The following UGT1A10 variants were observed in gnomAD, a reference collection of about 807,000 sequenced individuals.
UGT1A10 encodes the protein UDP glucuronosyltransferase family 1 member A10.
UGT1A10 carries 49 observed loss-of-function variants against 45.8 expected under a neutral mutation model. That is an observed-to-expected ratio of 1.07 (90% confidence interval 0.85 to 1.36). The LOEUF is 1.36. Among genes scored for constraint, UGT1A10 ranks in the 40% most tolerant of loss-of-function variants. The probability of loss-of-function intolerance (pLI) is 0.00; values close to 1 mark genes in which losing one functional copy is unlikely to be tolerated. For missense variants in UGT1A10, 745 were observed against 668.6 expected (o/e 1.11, Z -1.26); for synonymous variants, 284 against 249.7 (o/e 1.14, Z -1.29).
At chr2:233,760,299 G>T (rs781590934) in intron 1 of UGT1A10, 2 of 1,613,582 alleles carry the variant, frequency 1.2e-6, no homozygotes, top group East Asian at 2.2e-5. Context: ...TGGCTGTGGA[G>T]TCCCAGGGCG....
At chr2:233,668,634 G>C (rs900941493) in intron 1 of UGT1A10, among the ~76,000 whole-genome samples, 3 of 152,208 alleles carry the variant, frequency 2.0e-5, no homozygotes, top group African/African-American at 7.2e-5. Context: ...TTGCCACACT[G>C]TCTTCCACAA....
At chr2:233,652,361 T>C (rs1474509008) in intron 1 of UGT1A10, among the ~76,000 whole-genome samples, 1 of 152,260 alleles carries the variant, frequency 6.6e-6, no homozygotes, top group East Asian at 1.9e-4. Context: ...TAATTTTCAA[T>C]ATTTTATTAT....
chr2:233,748,290 T>C (rs1391858558), intron 1 of UGT1A10, among the ~76,000 whole-genome samples: 2 of 151,668 alleles, frequency 1.3e-5, no homozygotes, highest in Non-Finnish European at 2.9e-5. Flanking sequence ...GAGGCAGACA[T>C]GAATGTTTAT....
intron 1 of UGT1A10, among the ~76,000 whole-genome samples, chr2:233,656,147 C>T (rs1203739120): frequency 2.0e-5 from 3 of 152,148 alleles, no homozygotes. Flanking sequence ...TTTATGAAGG[C>T]CATCCTGACT....
At chr2:233,695,130 C>CTTTTTT (rs71398796) in intron 1 of UGT1A10, among the ~76,000 whole-genome samples, 1 of 138,838 alleles carries the variant, frequency 7.2e-6, no homozygotes, top group Non-Finnish European at 1.5e-5. Flanking sequence ...CTTTTCTTTT[C>CTTTTTT]TTTTTTTTTT....
Position 233,636,778 on chromosome 2 carries a change from C to A in UGT1A10, c.256C>A (p.Gln86Lys). 6.2e-7 allele frequency: 1 copy of A among 1,614,198 alleles called. No homozygotes were observed. Among genetic ancestry groups the A allele is most frequent in the Non-Finnish European group, 8.5e-7 (1 of 1,180,040 alleles). Residue 86 changes from glutamine to lysine, a missense_variant, in exon 1 of 5, where the codon CAG (glutamine) becomes AAG (lysine). Physicochemically the swap from Gln to Lys is moderately conservative, Grantham distance 53. Coordinates refer to ENST00000344644, the MANE Select transcript of UGT1A10 (RefSeq NM_019075.4). ...CTCAACCTCGTACACTCTGGAAGAT[C>A]AGAACCGGGAATTCATGGTTTTCGC... ...TYSTSYTLED[Q>K]NREFMVFAHA... is the part of the protein sequence containing the mutation.
At chr2:233,760,125 C>T in intron 1 of UGT1A10, 1 of 1,316,530 alleles carries the variant, frequency 7.6e-7, no homozygotes, top group Admixed American at 2.6e-5. Context: ...TAAAGCTCCA[C>T]CTTCTTTATC....
chr2:233,644,260 T>C (rs1223856708), intron 1 of UGT1A10, among the ~76,000 whole-genome samples: 1 of 152,192 alleles, frequency 6.6e-6, no homozygotes, highest in African/African-American at 2.4e-5. Flanking sequence ...TCCCTCAGCC[T>C]AGGGCTGGTT....
intron 1 of UGT1A10, chr2:233,682,463 T>A: frequency 6.2e-7 from 1 of 1,613,942 alleles, no homozygotes; most frequent in Admixed American, 1.7e-5. Flanking sequence ...ATTTTGCCAC[T>A]ATCTTGAAGA....
At chr2:233,713,841 G>A (rs754082390) in intron 1 of UGT1A10, 101 of 1,614,008 alleles carry the variant, frequency 6.3e-5, no homozygotes, top group East Asian at 1.1e-4. Flanking sequence ...CTGTGCCAAC[G>A]GGAAGCCACT....
At chr2:233,756,551 C>G (rs1440983818) in intron 1 of UGT1A10, among the ~76,000 whole-genome samples, 1 of 152,076 alleles carries the variant, frequency 6.6e-6, no homozygotes, top group East Asian at 1.9e-4. Context: ...CTAAAACAAC[C>G]AGGGAGATCC....
intron 1 of UGT1A10, chr2:233,712,870 T>A: frequency 6.3e-7 from 1 of 1,583,802 alleles, no homozygotes; most frequent in Middle Eastern, 2.3e-4. Context: ...AGGAGGGCAC[T>A]CTGTCTTCAA....
At chr2:233,743,962 C>G (rs189644754) in intron 1 of UGT1A10, 1 of 1,331,618 alleles carries the variant, frequency 7.5e-7, no homozygotes, top group Non-Finnish European at 1.0e-6. Flanking sequence ...CAGCGAGCGG[C>G]AAGGCTGCCA....
Position 233,677,399 on chromosome 2 carries a change from T to A in UGT1A10, c.855+40022T>A, listed in dbSNP as rs548174080. Among the ~76,000 whole-genome samples, 4 of 152,322 alleles carry A rather than the reference T, an allele frequency of 2.6e-5. No individual in the cohort carries two copies. In the South Asian group the frequency reaches 8.3e-4, roughly 32 times the overall value. On this transcript the variant is annotated intron_variant, in intron 1 of 4. Transcript: ENST00000344644. Reference sequence around the variant, plus strand: ...GTGTAGTAGAAAATCCGCATAGAACTTTTGATTCTCCAAAAACTTAACTAC... The same window carrying A: ...GTGTAGTAGAAAATCCGCATAGAACATTTGATTCTCCAAAAACTTAACTAC...
intron 1 of UGT1A10, among the ~76,000 whole-genome samples, chr2:233,640,092 C>A (rs577175095): frequency 1.3e-5 from 2 of 152,288 alleles, no homozygotes; most frequent in South Asian, 4.1e-4. Flanking sequence ...TTCCCCATTG[C>A]TCTAAGATTC....
Position 233,637,160 on chromosome 2 carries a change from A to G in UGT1A10, c.638A>G (p.His213Arg). The change falls in exon 1 of 5, where the codon CAC becomes CGC. Residue 213 changes from histidine (H) to arginine (R), a missense_variant. Transcript: ENST00000344644. ...FKERVWNHIV[H>R]LEDHLFCQYL... The stretch of plus-strand genomic sequence containing the variant: ...GAGAGAGTATGGAACCACATCGTGC[A>G]CTTGGAGGACCATTTATTTTGCCAG... 1 of 1,613,974 alleles carries G rather than the reference A, an allele frequency of 6.2e-7. No individual in the cohort carries two copies. Among genetic ancestry groups the G allele is most frequent in the South Asian group, 1.1e-5 (1 of 91,078 alleles).
intron 1 of UGT1A10, among the ~76,000 whole-genome samples, chr2:233,748,713 G>T: frequency 6.6e-6 from 1 of 151,600 alleles, no homozygotes; most frequent in East Asian, 1.9e-4. Flanking sequence ...TTTGGGGTCT[G>T]GTGCATGATG....
chr2:233,756,691 G>A (rs1044916114), intron 1 of UGT1A10, among the ~76,000 whole-genome samples: 1 of 152,108 alleles, frequency 6.6e-6, no homozygotes, highest in Non-Finnish European at 1.5e-5. Flanking sequence ...ATATAATGAC[G>A]ATGAATTTTG....
intron 1 of UGT1A10, among the ~76,000 whole-genome samples, chr2:233,651,149 C>G (rs2073729550): frequency 6.6e-6 from 1 of 152,198 alleles, no homozygotes; most frequent in Admixed American, 6.5e-5. Context: ...CAAGGCTAGA[C>G]TTTTCAAAGT....
Sources: gnomAD v4.1 joint callset for allele counts (sites outside exome capture counted in the v4.1 genomes callset) on GRCh38, gnomAD v4.1.1 for gene constraint, MANE v1.5 for transcripts, NCBI Gene and HGNC (gene_info 2026-07-23, HGNC 2026-07-21) for gene names.